Variants in HTRA3 observed in about 807,000 individuals in gnomAD.
The protein encoded by HTRA3 is HtrA serine peptidase 3.
In HTRA3, 41 loss-of-function variants were observed where a neutral mutation model predicts 43.2. The ratio of observed to expected loss-of-function variants is 0.95; its 90% CI spans 0.74 to 1.23. The LOEUF (loss-of-function observed/expected upper bound fraction) is 1.23. Among genes scored for constraint, HTRA3 ranks in the 50% most tolerant of loss-of-function variants. HTRA3 has a pLI of 0.00. For missense variants in HTRA3, 628 were observed against 647.1 expected, an observed-to-expected ratio of 0.97 and a Z score of 0.32; for synonymous variants, 295 against 287.9, an observed-to-expected ratio of 1.02 and a Z score of -0.25.
intron 1 of HTRA3, 125 bp from the exon 2 acceptor site, chr4:8,282,312 G>C: frequency 1.4e-6 from 1 of 738,632 alleles, no homozygotes; most frequent in South Asian, 1.7e-5. Flanking sequence ...GTGGGCTGAG[G>C]CTGGCTCTGA....
At chr4:8,299,255 G>A (rs1354747330) in intron 6 of HTRA3, among the ~76,000 whole-genome samples, 1 of 152,246 alleles carries the variant, frequency 6.6e-6, no homozygotes, top group East Asian at 1.9e-4. Context: ...TATTATAAAT[G>A]ATGTATTCTT....
At chr4:8,276,969 C>T (rs1347726059) in intron 1 of HTRA3, among the ~76,000 whole-genome samples, 2 of 152,254 alleles carry the variant, frequency 1.3e-5, no homozygotes, top group Admixed American at 6.5e-5. Context: ...TCACAAACTT[C>T]GGAGCCCAGC....
intron 6 of HTRA3, among the ~76,000 whole-genome samples, chr4:8,298,976 A>G (rs376966642): frequency 1.1e-3 from 166 of 152,330 alleles, no homozygotes; most frequent in African/African-American, 3.8e-3. Flanking sequence ...GCATTTCTAT[A>G]TGAATTTCAG....
rs1192661034 is a variant in HTRA3 at position 8,296,342 on chromosome 4, G to A, written c.1051+2141G>A. 1.0e-6 allele frequency: 1 copy of A among 985,324 alleles called. No individual in the cohort carries two copies. Among genetic ancestry groups the A allele is most frequent in the Non-Finnish European group, 1.2e-6 (1 of 829,978 alleles). The allele number at this position is 985,324 out of a possible 1,614,324, so 61.0% of individuals were successfully genotyped here. A position where few individuals can be genotyped will look rare whatever the true frequency, so the allele number is the denominator to read the frequency against. On this transcript the variant is annotated intron_variant, in intron 6 of 8. Transcript: ENST00000307358. The surrounding 1 kb of genome is among the most constrained non-coding windows in gnomAD (Gnocchi z 5.3). ...CTCAGAGCTGTGTCCCCTCCCCAAG[G>A]ACAGTGCAGACTAACTGAGGAGCCT...
At chr4:8,288,372 C>T (rs1180552329) in intron 3 of HTRA3, among the ~76,000 whole-genome samples, 3 of 151,994 alleles carry the variant, frequency 2.0e-5, no homozygotes, top group Non-Finnish European at 4.4e-5. Flanking sequence ...CTCCCGGGTT[C>T]AAGCAATTCT....
intron 1 of HTRA3, among the ~76,000 whole-genome samples, chr4:8,271,188 A>G (rs551901877): frequency 6.6e-6 from 1 of 151,528 alleles, no homozygotes; most frequent in Admixed American, 6.6e-5. Context: ...GGGAGCACCA[A>G]CTGCCGGGGC....
intron 8 of HTRA3, among the ~76,000 whole-genome samples, chr4:8,305,417 G>GTAA (rs1214530377): frequency 6.6e-6 from 1 of 152,262 alleles, no homozygotes; most frequent in African/African-American, 2.4e-5. Flanking sequence ...TGGAGGGACT[G>GTAA]AGGTTTAGAG....
chr4:8,293,499 A>G (rs574287444), intron 5 of HTRA3, among the ~76,000 whole-genome samples: 3 of 152,252 alleles, frequency 2.0e-5, no homozygotes, highest in Non-Finnish European at 2.9e-5. Context: ...GGGCAGGGCT[A>G]GGGGTATAAG....
chr4:8,296,509 C>A lies in HTRA3; in HGVS notation c.1051+2308C>A. 9 of 985,254 alleles carry A rather than the reference C, an allele frequency of 9.1e-6. No individual in the cohort carries two copies. The highest frequency in any genetic ancestry group is 1.1e-5 in the Non-Finnish European group (9 of 829,774). The allele number at this position is 985,254 out of a possible 1,614,324, so 61.0% of individuals were successfully genotyped here. On this transcript the variant is annotated intron_variant, in intron 6 of 8. Coordinates refer to ENST00000307358, the MANE Select transcript of HTRA3 (RefSeq NM_053044.5). The surrounding 1 kb of genome is among the most constrained non-coding windows in gnomAD (Gnocchi z 5.3). ...TCTAAAGTTCTTTGAAATGAACCAT[C>A]TTTTTATTAAATCAAGGAGATGTTA...
intron 5 of HTRA3, among the ~76,000 whole-genome samples, chr4:8,293,696 G>A (rs73083641): frequency 6.6e-6 from 1 of 152,108 alleles, no homozygotes; most frequent in Non-Finnish European, 1.5e-5. Flanking sequence ...CCCACTTCTG[G>A]AAGGTAGGGA....
At chr4:8,285,651 C>T (rs1712928079) in intron 2 of HTRA3, among the ~76,000 whole-genome samples, 1 of 152,244 alleles carries the variant, frequency 6.6e-6, no homozygotes, top group Non-Finnish European at 1.5e-5. Flanking sequence ...GGCATTCAGC[C>T]TCCTCCCCTG....
At chr4:8,281,018 G>A (rs553943477) in intron 1 of HTRA3, among the ~76,000 whole-genome samples, 3 of 152,338 alleles carry the variant, frequency 2.0e-5, no homozygotes, top group South Asian at 2.1e-4. Context: ...CCTCCCAGCC[G>A]TGAGTCCTTG....
Position 8,280,155 on chromosome 4 carries a change from C to T in HTRA3, c.386-2282C>T, listed in dbSNP as rs147711201. ...TGAGCAGAAACTGGAGTTGGTGGCC[C>T]GACAAAGGCCACACGGTAGGAGAGG... On this transcript the variant is annotated intron_variant, in intron 1 of 8. Coordinates refer to ENST00000307358, the MANE Select transcript of HTRA3 (RefSeq NM_053044.5). Among the ~76,000 whole-genome samples, 7 of 152,158 alleles carry T rather than the reference C, an allele frequency of 4.6e-5. No homozygotes were observed. In the East Asian group the frequency reaches 1.2e-3, roughly 25 times the overall value.
At chr4:8,302,708 C>A (rs903542919) in intron 7 of HTRA3, among the ~76,000 whole-genome samples, 197 bp downstream of exon 7, 1 of 152,268 alleles carries the variant, frequency 6.6e-6, no homozygotes, top group Non-Finnish European at 1.5e-5. Context: ...ATTCCTTCTG[C>A]TCTTTCAGGA....
intron 1 of HTRA3, among the ~76,000 whole-genome samples, chr4:8,280,594 C>T (rs949344268): frequency 4.6e-5 from 7 of 152,194 alleles, no homozygotes; most frequent in Non-Finnish European, 4.4e-5. Flanking sequence ...CAGGGCAGCG[C>T]ATCCCTCATG....
chr4:8,296,332 C>G lies in HTRA3; in HGVS notation c.1051+2131C>G. The G allele has an allele frequency of 1.0e-6, 1 of 985,478 alleles. No individual in the cohort carries two copies. The highest frequency in any genetic ancestry group is 1.2e-6 in the Non-Finnish European group (1 of 829,966). The allele number at this position is 985,478 out of a possible 1,614,324, so 61.0% of individuals were successfully genotyped here. A position where few individuals can be genotyped will look rare whatever the true frequency, so the allele number is the denominator to read the frequency against. On this transcript the variant is annotated intron_variant, in intron 6 of 8. Coordinates refer to ENST00000307358, the MANE Select transcript of HTRA3 (RefSeq NM_053044.5). The surrounding 1 kb of genome is among the most constrained non-coding windows in gnomAD (Gnocchi z 5.3). ...ATCCCCTGTCCTCAGAGCTGTGTCC[C>G]CTCCCCAAGGACAGTGCAGACTAAC...
At chr4:8,273,848 C>A (rs1194369635) in intron 1 of HTRA3, among the ~76,000 whole-genome samples, 1 of 147,496 alleles carries the variant, frequency 6.8e-6, no homozygotes, top group Non-Finnish European at 1.5e-5. Flanking sequence ...CCATTGCAGC[C>A]CAGCTGTGTG....
At chr4:8,294,338 T>A in intron 6 of HTRA3, 137 bp downstream of exon 6, 1 of 595,240 alleles carries the variant, frequency 1.7e-6, no homozygotes, top group Non-Finnish European at 2.9e-6. Context: ...AGGTCCTGTC[T>A]GCCCACCCCA....
At chr4:8,272,062 G>T (rs945466163) in intron 1 of HTRA3, among the ~76,000 whole-genome samples, 1 of 152,152 alleles carries the variant, frequency 6.6e-6, no homozygotes, top group Admixed American at 6.5e-5. Context: ...GGGCCTGCCC[G>T]TTGCAGCCCA....
Sources: allele counts gnomAD v4.1 joint callset (sites outside exome capture counted in the v4.1 genomes callset), GRCh38; gene constraint gnomAD v4.1.1; non-coding constraint Gnocchi (gnomAD v3.1); transcripts MANE v1.5; gene names NCBI Gene and HGNC (gene_info 2026-07-23, HGNC 2026-07-21).